The following ARHGEF38 variants were observed in gnomAD, a reference collection of about 807,000 sequenced individuals.
The protein encoded by ARHGEF38 is Rho guanine nucleotide exchange factor (GEF) 38.
A neutral mutation model predicts 79.9 loss-of-function variants in ARHGEF38; 79 were observed. The ratio of observed to expected loss-of-function variants is 0.99; its 90% CI spans 0.82 to 1.19. ARHGEF38 has a LOEUF of 1.19. Ranked by LOEUF, ARHGEF38 falls within the 50% of genes most tolerant of loss-of-function variation. The pLI, the probability that ARHGEF38 is intolerant of heterozygous loss-of-function variation, is 0.00. For missense variants in ARHGEF38, 962 were observed against 907.2 expected (o/e 1.06, Z -0.78); for synonymous variants, 366 against 328.3 (o/e 1.11, Z -1.24).
intron 2 of ARHGEF38, among the ~76,000 whole-genome samples, chr4:105,589,864 T>C (rs988127988): frequency 1.3e-5 from 2 of 151,792 alleles, no homozygotes; most frequent in African/African-American, 4.8e-5. Context: ...AAACCTCATC[T>C]CTACAAAATT....
At position 105,552,872 on chromosome 4, in the gene ARHGEF38, C is replaced by G; in HGVS notation, c.107C>G (p.Thr36Ser). The G allele has an allele frequency of 6.2e-7, 1 of 1,613,984 alleles. No homozygotes were observed. The highest frequency in any genetic ancestry group is 8.5e-7 in the Non-Finnish European group (1 of 1,179,886). The change falls in exon 1 of 14, where the codon ACT (threonine) becomes AGT (serine). Residue 36 changes from threonine (T) to serine (S), a missense_variant. Physicochemically the swap from Thr to Ser is moderately conservative, Grantham distance 58 (BLOSUM62 1). Coordinates refer to ENST00000420470, the MANE Select transcript of ARHGEF38 (RefSeq NM_001242729.2). ...LYMLERRKTD[T>S]VVESSVSGDH... ...ATGCTGGAGAGAAGGAAGACTGACA[C>G]TGTGGTTGAGAGCAGTGTTTCTGGG...
At chr4:105,641,888 T>C (rs1452184597) in intron 5 of ARHGEF38, among the ~76,000 whole-genome samples, 3 of 152,160 alleles carry the variant, frequency 2.0e-5, no homozygotes, top group Non-Finnish European at 2.9e-5. Flanking sequence ...CAAAAATAAT[T>C]TGTAATGAGA....
intron 2 of ARHGEF38, among the ~76,000 whole-genome samples, chr4:105,596,158 A>G (rs980634739): frequency 6.6e-6 from 1 of 152,108 alleles, no homozygotes; most frequent in African/African-American, 2.4e-5. Context: ...CAATGTCAGG[A>G]TGGTGGGGAG....
In ARHGEF38 at chr4:105,655,288, G is replaced by C. The variant is rs149989465; in HGVS notation, c.1114-315G>C. ...AAACTGATGAATTTAAATCAAAGAG[G>C]AGTGATTTTTAAAATAAGAAATTTG... On this transcript the variant is annotated intron_variant, in intron 8 of 13. Transcript: ENST00000420470. 8.0e-4 allele frequency among the ~76,000 whole-genome samples: 122 copies of C among 152,258 alleles called. 1 individual carries two copies. Among genetic ancestry groups the C allele is most frequent in the African/African-American group, 2.9e-3 (120 of 41,554 alleles).
At chr4:105,648,781 A>G in intron 7 of ARHGEF38, 99 bp downstream of exon 7, 1 of 1,257,494 alleles carries the variant, frequency 8.0e-7, no homozygotes, top group Non-Finnish European at 1.1e-6. Context: ...TAGAATACTG[A>G]GAATCAAGGT....
chr4:105,644,132 T>G (rs543588533), intron 5 of ARHGEF38, among the ~76,000 whole-genome samples: 1 of 152,256 alleles, frequency 6.6e-6, no homozygotes, highest in Admixed American at 6.5e-5. Context: ...CCTCCCAAAG[T>G]GCTGGGATTA....
Position 105,645,171 on chromosome 4 carries a change from A to G in ARHGEF38, c.675-17A>G, listed in dbSNP as rs953315560. On this transcript the variant is annotated splice_polypyrimidine_tract_variant and intron_variant, in intron 5 of 13. Transcript: ENST00000420470. Reference sequence around the variant, plus strand: ...AACATATGTTTGTGAAACTGATATTATTTATCTGTATTGTAGAGGCAAACC... The same window carrying G: ...AACATATGTTTGTGAAACTGATATTGTTTATCTGTATTGTAGAGGCAAACC... 9 of 1,386,292 alleles carry G rather than the reference A, an allele frequency of 6.5e-6. No individual in the cohort carries two copies. Among genetic ancestry groups the G allele is most frequent in the African/African-American group, 5.8e-5 (4 of 68,778 alleles). The allele number at this position is 1,386,292 out of a possible 1,614,324, so 85.9% of individuals were successfully genotyped here.
chr4:105,668,537 C>T (rs1460176455), intron 13 of ARHGEF38, among the ~76,000 whole-genome samples: 2 of 152,128 alleles, frequency 1.3e-5, no homozygotes, highest in Non-Finnish European at 2.9e-5. Context: ...GTTCAGTATA[C>T]TTAATGGTTC....
chr4:105,617,457 A>C (rs1314506452), intron 3 of ARHGEF38, among the ~76,000 whole-genome samples: 13 of 152,206 alleles, frequency 8.5e-5, no homozygotes, highest in Non-Finnish European at 1.2e-4. Flanking sequence ...TACCTGAAGA[A>C]TAAATTTGAT....
intron 1 of ARHGEF38, chr4:105,561,683 T>C (rs1376694874): frequency 6.6e-6 from 1 of 152,068 alleles, no homozygotes; most frequent in Non-Finnish European, 1.5e-5. Context: ...TCTTAAATTC[T>C]GTGACTAGGA....
chr4:105,553,207 T>TTC (rs1178977621), intron 1 of ARHGEF38, among the ~76,000 whole-genome samples: 1 of 152,218 alleles, frequency 6.6e-6, no homozygotes, highest in African/African-American at 2.4e-5. Flanking sequence ...TCTTTTTTTT[T>TTC]TCCTGGTGAG....
chr4:105,561,483 T>TGG (rs1560684646), intron 1 of ARHGEF38: 12 of 134,512 alleles, frequency 8.9e-5, no homozygotes, highest in South Asian at 5.0e-4. Context: ...TAGAATAGAA[T>TGG]AGAATAGAAT....
chr4:105,660,182 CTG>C (rs1019055558), intron 10 of ARHGEF38, among the ~76,000 whole-genome samples: 11 of 152,124 alleles, frequency 7.2e-5, no homozygotes, highest in African/African-American at 2.7e-4. Context: ...AAAGCCAAAA[CTG>C]TGTAAATGTA....
chr4:105,651,053 A>T (rs975786058), intron 7 of ARHGEF38, among the ~76,000 whole-genome samples: 50 of 152,342 alleles, frequency 3.3e-4, no homozygotes, highest in Non-Finnish European at 8.8e-5. Context: ...TTCTGACTCA[A>T]GACAATTCTA....
At chr4:105,600,471 G>A (rs1395310396) in intron 2 of ARHGEF38, among the ~76,000 whole-genome samples, 3 of 152,146 alleles carry the variant, frequency 2.0e-5, no homozygotes, top group Non-Finnish European at 1.5e-5. Flanking sequence ...AGTCTCCTAT[G>A]CTGGTTAATC....
At chr4:105,583,446 G>A (rs1372205046) in intron 1 of ARHGEF38, among the ~76,000 whole-genome samples, 1 of 152,048 alleles carries the variant, frequency 6.6e-6, no homozygotes, top group Non-Finnish European at 1.5e-5. Flanking sequence ...CCATGCACAC[G>A]CTCACCTTAA....
intron 3 of ARHGEF38, among the ~76,000 whole-genome samples, chr4:105,617,151 G>A (rs1443909369): frequency 2.0e-5 from 3 of 152,156 alleles, no homozygotes; most frequent in Non-Finnish European, 4.4e-5. Context: ...CCAAAGAAAA[G>A]CTTTTAGAAG....
At chr4:105,604,910 G>A (rs1727976266) in intron 2 of ARHGEF38, among the ~76,000 whole-genome samples, 1 of 152,050 alleles carries the variant, frequency 6.6e-6, no homozygotes, top group African/African-American at 2.4e-5. Flanking sequence ...CTCACTGATT[G>A]TTCCAAAAAG....
At chr4:105,585,019 T>A (rs1726966519) in intron 1 of ARHGEF38, among the ~76,000 whole-genome samples, 1 of 151,936 alleles carries the variant, frequency 6.6e-6, no homozygotes, top group Non-Finnish European at 1.5e-5. Flanking sequence ...AGCATCCCTA[T>A]TTTTTTTCCT....
Sources: allele counts gnomAD v4.1 joint callset (sites outside exome capture counted in the v4.1 genomes callset), GRCh38; gene constraint gnomAD v4.1.1; transcripts MANE v1.5; gene names NCBI Gene and HGNC (gene_info 2026-07-23, HGNC 2026-07-21).